USP54: variants seen among roughly 807,000 people sequenced by gnomAD.
USP54 encodes the protein ubiquitin carboxyl-terminal hydrolase 54.
In USP54, 87 loss-of-function variants were observed where a neutral mutation model predicts 170.5. The observed-to-expected ratio is 0.51, with a 90% CI of 0.43 to 0.61. The LOEUF is 0.61. Ranked by LOEUF, USP54 falls within the 20% of genes least tolerant of loss-of-function variation. The pLI is 0.00. For synonymous variants in USP54, 655 were observed against 742.8 expected, an observed-to-expected ratio of 0.88 and a Z score of 1.92; for missense variants, 1,786 against 2,047.8, an observed-to-expected ratio of 0.87 and a Z score of 2.47.
chr10:73,536,550 A>G (rs139507305), intron 10 of USP54, 113 bp from the exon 11 acceptor site: 2 of 1,276,030 alleles, frequency 1.6e-6, no homozygotes, highest in East Asian at 5.5e-5. Context: ...AAAGATAAGA[A>G]TTGGGTAAAA....
intron 17 of USP54, among the ~76,000 whole-genome samples, chr10:73,521,345 G>A (rs753069141): frequency 3.9e-4 from 59 of 152,126 alleles, no homozygotes; most frequent in Non-Finnish European, 5.9e-4. Flanking sequence ...ATGACAGTGC[G>A]AGCGGAGGAA....
intron 1 of USP54, among the ~76,000 whole-genome samples, chr10:73,624,180 A>T (rs1383437118): frequency 4.6e-5 from 5 of 109,866 alleles, no homozygotes; most frequent in East Asian, 4.4e-4. Context: ...ATATATATAT[A>T]TATATATATA....
intron 1 of USP54, among the ~76,000 whole-genome samples, chr10:73,612,018 G>T (rs542165352): frequency 7.3e-5 from 11 of 151,712 alleles, no homozygotes; most frequent in Admixed American, 7.2e-4. Flanking sequence ...GGCTGAGGCA[G>T]GAGGATCACC....
chr10:73,589,796 C>T (rs2078010291), intron 1 of USP54, among the ~76,000 whole-genome samples: 1 of 152,096 alleles, frequency 6.6e-6, no homozygotes, highest in Admixed American at 6.6e-5. Flanking sequence ...GGGAGGGCGA[C>T]AGAGGATACC....
chr10:73,574,636 G>A (rs2075816732), intron 3 of USP54, among the ~76,000 whole-genome samples: 1 of 151,934 alleles, frequency 6.6e-6, no homozygotes, highest in Admixed American at 6.6e-5. Flanking sequence ...AATTAGCCGG[G>A]TGTGGTGATG....
At chr10:73,595,406 C>G (rs534172983), upstream of USP54, among the ~76,000 whole-genome samples, 1 of 152,088 alleles carries the variant, frequency 6.6e-6, no homozygotes, top group Non-Finnish European at 1.5e-5. Flanking sequence ...GTATGCATTA[C>G]TGAGAAGAGG....
Position 73,505,396 on chromosome 10 carries a change from T to C in USP54, c.4082A>G (p.His1361Arg), listed in dbSNP as rs150962177. Residue 1361 changes from histidine to arginine, a missense_variant, in exon 21 of 24, where the codon CAC (histidine) becomes CGC (arginine). Transcript: ENST00000687698. ...GSADGMGRRLHSAHDPGLSKT... is the reference protein window; with the variant it reads ...GSADGMGRRLRSAHDPGLSKT... The stretch of plus-strand genomic sequence containing the variant: ...TGAGAGACCAGGATCATGGGCTGAG[T>C]GCAACCTCCTCCCCATGCCATCTGC... The C allele has an allele frequency of 7.4e-5, 119 of 1,613,966 alleles. No individual in the cohort carries two copies. Among genetic ancestry groups the C allele is most frequent in the Non-Finnish European group, 9.1e-5 (107 of 1,180,000 alleles).
At chr10:73,559,030 G>A (rs1374691202) in intron 4 of USP54, among the ~76,000 whole-genome samples, 1 of 151,780 alleles carries the variant, frequency 6.6e-6, no homozygotes, top group Non-Finnish European at 1.5e-5. Flanking sequence ...ACATATAAAT[G>A]GACCCACACA....
chr10:73,514,812 G>A (rs561991432), intron 20 of USP54, among the ~76,000 whole-genome samples: 2 of 152,152 alleles, frequency 1.3e-5, no homozygotes, highest in Admixed American at 1.3e-4. Flanking sequence ...GGCTGAGGCG[G>A]GGGGATCACC....
intron 1 of USP54, among the ~76,000 whole-genome samples, chr10:73,601,432 A>G (rs1456660246): frequency 6.6e-6 from 1 of 152,156 alleles, no homozygotes; most frequent in African/African-American, 2.4e-5. Flanking sequence ...CAACTTAGAG[A>G]AAGACTGAAT....
chr10:73,614,318 G>C (rs1353306928), intron 1 of USP54, among the ~76,000 whole-genome samples: 1 of 150,286 alleles, frequency 6.7e-6, no homozygotes, highest in Non-Finnish European at 1.5e-5. Context: ...CCAGCACTTT[G>C]GGAGGCCAAG....
intron 4 of USP54, among the ~76,000 whole-genome samples, chr10:73,547,393 A>G (rs1210260435): frequency 1.3e-5 from 2 of 152,190 alleles, no homozygotes; most frequent in Non-Finnish European, 2.9e-5. Context: ...TTTAAAGTTC[A>G]TATGGAACCA....
chr10:73,619,433 T>C (rs1414483462), intron 1 of USP54, among the ~76,000 whole-genome samples: 1 of 148,764 alleles, frequency 6.7e-6, no homozygotes, highest in Non-Finnish European at 1.5e-5. Flanking sequence ...GGTTTCTACA[T>C]TTTGCCATAC....
chr10:73,548,138 C>A (rs1469971176), intron 4 of USP54, among the ~76,000 whole-genome samples: 1 of 152,118 alleles, frequency 6.6e-6, no homozygotes, highest in Admixed American at 6.5e-5. Flanking sequence ...AAATGCTCAT[C>A]GTCACTGGTC....
intron 4 of USP54, among the ~76,000 whole-genome samples, chr10:73,553,727 T>C (rs2070220409): frequency 6.6e-6 from 1 of 152,172 alleles, no homozygotes; most frequent in Non-Finnish European, 1.5e-5. Context: ...ATGGTTCCAT[T>C]TCAACAAGTA....
At chr10:73,600,865 G>A (rs1276176074) in intron 1 of USP54, among the ~76,000 whole-genome samples, 1 of 152,120 alleles carries the variant, frequency 6.6e-6, no homozygotes, top group Non-Finnish European at 1.5e-5. Flanking sequence ...AGTGAGCCGG[G>A]ATCGCGCCAC....
chr10:73,588,081 C>T (rs1313550643), intron 1 of USP54, among the ~76,000 whole-genome samples: 1 of 152,186 alleles, frequency 6.6e-6, no homozygotes, highest in Non-Finnish European at 1.5e-5. Flanking sequence ...CAGGCAAACA[C>T]ACACACACAT....
intron 17 of USP54, 132 bp downstream of exon 17, chr10:73,523,451 C>T (rs2062250672): frequency 1.8e-6 from 2 of 1,128,226 alleles, no homozygotes; most frequent in South Asian, 3.8e-5. Context: ...CTTGTTCTCA[C>T]TGGAATGGGT....
chr10:73,567,283 C>T lies in USP54; in HGVS notation c.240+4138G>A, dbSNP rs577943078. 5.3e-5 allele frequency among the ~76,000 whole-genome samples: 8 copies of T among 152,304 alleles called. No homozygotes were observed. The East Asian group carries it at 1.5e-3, about 29-fold the overall frequency. ...GTGGTTTTACACAAATGTCTTATACCATTTTTGTAAGATTTATTCATATTT... is the reference window on the plus strand; with the variant it reads ...GTGGTTTTACACAAATGTCTTATACTATTTTTGTAAGATTTATTCATATTT... On this transcript the variant is annotated intron_variant, in intron 4 of 23. Transcript: ENST00000687698.
Sources: allele counts gnomAD v4.1 joint callset (sites outside exome capture counted in the v4.1 genomes callset), GRCh38; gene constraint gnomAD v4.1.1; transcripts MANE v1.5; gene names NCBI Gene and HGNC (gene_info 2026-07-23, HGNC 2026-07-21).